Variants in ATXN7L1 observed in about 807,000 individuals in gnomAD.
ATXN7L1 encodes ataxin 7 like 1, also known as ataxin-7-like protein 1.
In ATXN7L1, 15 loss-of-function variants were observed where a neutral mutation model predicts 70.8. The ratio of observed to expected loss-of-function variants is 0.21; its 90% CI spans 0.14 to 0.33. The LOEUF (loss-of-function observed/expected upper bound fraction) is 0.33, where lower values mean the gene tolerates loss of function less well. Among genes scored for constraint, ATXN7L1 ranks in the 10% least tolerant of loss-of-function variants. The probability of loss-of-function intolerance (pLI) is 1.00; values close to 1 mark genes in which losing one functional copy is unlikely to be tolerated. For missense variants in ATXN7L1, 975 were observed against 1,097.1 expected, an observed-to-expected ratio of 0.89 and a Z score of 1.57; for synonymous variants, 440 against 445.1, an observed-to-expected ratio of 0.99 and a Z score of 0.14.
intron 7 of ATXN7L1, among the ~76,000 whole-genome samples, chr7:105,633,593 G>A (rs1397788529): frequency 2.6e-5 from 4 of 151,998 alleles, no homozygotes; most frequent in Non-Finnish European, 5.9e-5. Flanking sequence ...GGTGGTGGGC[G>A]CTTGTAATCC....
chr7:105,856,071 C>T (rs187382195), intron 2 of ATXN7L1, among the ~76,000 whole-genome samples: 1 of 152,286 alleles, frequency 6.6e-6, no homozygotes, highest in East Asian at 1.9e-4. Flanking sequence ...TTCAGTTCAG[C>T]AAGAAAGTCA....
intron 4 of ATXN7L1, among the ~76,000 whole-genome samples, chr7:105,653,924 C>T (rs1341782685): frequency 6.6e-6 from 1 of 152,178 alleles, no homozygotes; most frequent in Admixed American, 6.5e-5. Flanking sequence ...AGGAAACATC[C>T]TCTTCTCTCC....
rs1463902495 is a variant in ATXN7L1 at position 105,614,107 on chromosome 7, A to G, written c.2227T>C (p.Cys743Arg). The change falls in exon 10 of 12, where the codon TGT becomes CGT. Residue 743 changes from cysteine (C) to arginine (R), a missense_variant. Transcript: ENST00000419735. The surrounding 1 kb of genome is among the most constrained non-coding windows in gnomAD (Gnocchi z 4.3). ...VGAVGGSSDSCPLSVPSLALH... is the reference protein window; with the variant it reads ...VGAVGGSSDSRPLSVPSLALH... ...GCAAGGGAGGGCACAGAGAGGGGACAGGAGTCACTGCTGCCTCCCACCGCG... is the reference window on the plus strand; with the variant it reads ...GCAAGGGAGGGCACAGAGAGGGGACGGGAGTCACTGCTGCCTCCCACCGCG... The G allele has an allele frequency of 1.6e-5, 25 of 1,551,528 alleles. No homozygotes were observed. The Admixed American group carries it at 4.9e-4, about 30-fold the overall frequency.
At chr7:105,800,689 A>G (rs1016756132) in intron 2 of ATXN7L1, among the ~76,000 whole-genome samples, 1 of 152,208 alleles carries the variant, frequency 6.6e-6, no homozygotes, top group African/African-American at 2.4e-5. Flanking sequence ...GGAATGAGCA[A>G]CAAATTCCTG....
intron 2 of ATXN7L1, among the ~76,000 whole-genome samples, chr7:105,826,548 T>C (rs1237349530): frequency 6.6e-6 from 1 of 152,152 alleles, no homozygotes; most frequent in Non-Finnish European, 1.5e-5. Context: ...TGGAGACATT[T>C]GGAAAAATGT....
At chr7:105,770,611 G>A (rs533896714) in intron 3 of ATXN7L1, among the ~76,000 whole-genome samples, 6 of 152,268 alleles carry the variant, frequency 3.9e-5, no homozygotes, top group Non-Finnish European at 5.9e-5. Flanking sequence ...GGGGGTGGAG[G>A]TGGAGGGACT....
At chr7:105,615,640 T>G (rs751147017) in intron 9 of ATXN7L1, among the ~76,000 whole-genome samples, 2 of 152,220 alleles carry the variant, frequency 1.3e-5, no homozygotes, top group Non-Finnish European at 2.9e-5. Flanking sequence ...CACACGGGTC[T>G]TCTTGTCCCG....
chr7:105,617,863 T>C (rs942926697), intron 9 of ATXN7L1: 5 of 450,768 alleles, frequency 1.1e-5, no homozygotes, highest in African/African-American at 8.0e-5. Flanking sequence ...AAAAAGAGTC[T>C]TGGCCGTTCC....
chr7:105,659,197 T>C (rs1801184721), intron 4 of ATXN7L1, among the ~76,000 whole-genome samples: 1 of 152,200 alleles, frequency 6.6e-6, no homozygotes, highest in Non-Finnish European at 1.5e-5. Flanking sequence ...CTGTTGAAAA[T>C]GTAAAATTAA....
intron 3 of ATXN7L1, among the ~76,000 whole-genome samples, chr7:105,740,236 C>G (rs1584891654): frequency 1.3e-5 from 2 of 152,168 alleles, no homozygotes; most frequent in East Asian, 1.9e-4. Flanking sequence ...GCTGACCTGT[C>G]CAACCCATAA....
intron 3 of ATXN7L1, chr7:105,760,097 G>C (rs1324913213): frequency 2.7e-6 from 2 of 742,306 alleles, no homozygotes; most frequent in Non-Finnish European, 3.3e-6. Context: ...CCTTTTTCTG[G>C]CTTCCATCAT....
chr7:105,796,323 CT>C (rs1805985842), intron 2 of ATXN7L1, among the ~76,000 whole-genome samples: 1 of 152,166 alleles, frequency 6.6e-6, no homozygotes, highest in Admixed American at 6.5e-5. Context: ...GATCGCGCCA[CT>C]GTAATCCAGC....
chr7:105,774,091 A>C (rs2116446592), intron 3 of ATXN7L1, among the ~76,000 whole-genome samples: 1 of 152,254 alleles, frequency 6.6e-6, no homozygotes, highest in Non-Finnish European at 1.5e-5. Flanking sequence ...AGAGCAGCTA[A>C]GGCAAAGGTT....
intron 3 of ATXN7L1, among the ~76,000 whole-genome samples, chr7:105,782,768 C>T (rs1803721388): frequency 6.6e-6 from 1 of 152,210 alleles, no homozygotes; most frequent in Admixed American, 6.5e-5. Context: ...AAGCCAAGCC[C>T]TCAGGACTCC....
chr7:105,695,708 G>T (rs1440683165), intron 3 of ATXN7L1, among the ~76,000 whole-genome samples: 1 of 152,186 alleles, frequency 6.6e-6, no homozygotes, highest in Non-Finnish European at 1.5e-5. Context: ...TCAAAGTTAG[G>T]CCTTTGCTGA....
In ATXN7L1 at chr7:105,786,851, C is replaced by G. The variant is rs142618715; in HGVS notation, c.355+1753G>C. On this transcript the variant is annotated intron_variant, in intron 3 of 11. Transcript: ENST00000419735. ...TTTGATGGCTTACAATAGAATGCAA[C>G]CCCTTGTTCCGTGCCTATAACAGCT... Among the ~76,000 whole-genome samples, 613 of 152,276 alleles carry G rather than the reference C, an allele frequency of 4.0e-3. 3 individuals carry two copies. The highest frequency in any genetic ancestry group is 0.013 in the African/African-American group (560 of 41,550).
intron 2 of ATXN7L1, among the ~76,000 whole-genome samples, chr7:105,790,666 AT>A (rs56815785): frequency 7.1e-6 from 1 of 140,306 alleles, no homozygotes; most frequent in African/African-American, 2.7e-5. Flanking sequence ...TCTATCTACT[AT>A]CTATCTACTA....
rs1354272138 is a variant in ATXN7L1, at chr7:105,614,378, G to T, written c.1956C>A (p.Ser652=). 11 of 1,551,544 alleles carry T rather than the reference G, an allele frequency of 7.1e-6. No homozygotes were observed. Among genetic ancestry groups the T allele is most frequent in the Non-Finnish European group, 8.7e-6 (10 of 1,146,744 alleles). Reference sequence around the variant, plus strand: ...AAGAGGAGGAGGAGGAGGAGGAGGAGGAAGTCGAAGACTGTGGCTTCCTTT... The same window carrying T: ...AAGAGGAGGAGGAGGAGGAGGAGGATGAAGTCGAAGACTGTGGCTTCCTTT... ...NKKRKPQSST[S]SSSSSSSSSL... is the part of the protein sequence containing the mutation. The change falls in exon 10 of 12, where the codon TCC becomes TCA. Residue 652 remains serine, a synonymous_variant. Coordinates refer to ENST00000419735, the MANE Select transcript of ATXN7L1 (RefSeq NM_020725.2). This position sits in a 1 kb window ranked among gnomAD's most constrained non-coding sequence, Gnocchi z 4.3.
At chr7:105,752,836 C>T (rs1799366822) in intron 3 of ATXN7L1, among the ~76,000 whole-genome samples, 1 of 152,176 alleles carries the variant, frequency 6.6e-6, no homozygotes, top group Non-Finnish European at 1.5e-5. Context: ...ACAGTGGCCG[C>T]ACCCTGAACA....
Sources: allele counts gnomAD v4.1 joint callset (sites outside exome capture counted in the v4.1 genomes callset), GRCh38; gene constraint gnomAD v4.1.1; non-coding constraint Gnocchi (gnomAD v3.1); transcripts MANE v1.5; gene names NCBI Gene and HGNC (gene_info 2026-07-23, HGNC 2026-07-21).